The following KIF13A variants were observed in gnomAD, a reference collection of about 807,000 sequenced individuals.
KIF13A encodes kinesin-like protein KIF13A.
In KIF13A, 79 loss-of-function variants were observed where a neutral mutation model predicts 212.2. The observed-to-expected ratio is 0.37, with a 90% CI of 0.31 to 0.45. The LOEUF is 0.45. Ranked by LOEUF, KIF13A falls within the 20% of genes least tolerant of loss-of-function variation. The pLI is 1.00. For missense variants in KIF13A, 1,901 were observed against 2,209.0 expected, an observed-to-expected ratio of 0.86 and a Z score of 2.79; for synonymous variants, 789 against 808.6, an observed-to-expected ratio of 0.98 and a Z score of 0.41.
In KIF13A at chr6:17,787,937, T is replaced by A. The variant is rs923478707; in HGVS notation, c.3262-62A>T. The A allele has an allele frequency of 3.2e-6, 3 of 943,436 alleles. No individual in the cohort carries two copies. The highest frequency in any genetic ancestry group is 4.2e-5 in the Admixed American group (2 of 47,230). The allele number at this position is 943,436 out of a possible 1,614,324, so 58.4% of individuals were successfully genotyped here. ...GCACAGACAACGATTTCTTTCTTTC[T>A]TTTTTTAAAAGATGTTTAAATCAAC... On this transcript the variant is annotated intron_variant, in intron 26 of 38. Coordinates refer to ENST00000259711, the MANE Select transcript of KIF13A (RefSeq NM_022113.6). The surrounding 1 kb of genome is among the most constrained non-coding windows in gnomAD (Gnocchi z 4.6).
Position 17,780,975 on chromosome 6 carries a change from T to C in KIF13A, c.3670-69A>G. On this transcript the variant is annotated intron_variant, in intron 30 of 38. Coordinates refer to ENST00000259711, the MANE Select transcript of KIF13A (RefSeq NM_022113.6). ...TCAGATGTAGCAGTTTTACAGGACA[T>C]ACAAGAGAAAGAAAATAAATTCAAC... 6 of 1,453,274 alleles carry C rather than the reference T, an allele frequency of 4.1e-6. No individual in the cohort carries two copies. In the South Asian group the frequency reaches 6.2e-5, roughly 15 times the overall value. 90.0% of individuals were successfully genotyped at this position (1,453,274 alleles called of 1,614,324 possible). A position where few individuals can be genotyped will look rare whatever the true frequency, so the allele number is the denominator to read the frequency against.
At chr6:17,958,152 T>C (rs766687022) in intron 2 of KIF13A, among the ~76,000 whole-genome samples, 1 of 152,204 alleles carries the variant, frequency 6.6e-6, no homozygotes, top group Non-Finnish European at 1.5e-5. Flanking sequence ...CTCACAATTA[T>C]ACCTCAGGCA....
At position 17,898,186 on chromosome 6, in the gene KIF13A, T is replaced by C. The variant is rs201729525; in HGVS notation, c.147-6A>G. ...TGCTTACCTTGGGAGGTTTCCTTAATGATGGGAAAAAAAAAATTCAGCAGC... is the reference window on the plus strand; with the variant it reads ...TGCTTACCTTGGGAGGTTTCCTTAACGATGGGAAAAAAAAAATTCAGCAGC... On this transcript the variant is annotated splice_region_variant and splice_polypyrimidine_tract_variant and intron_variant, in intron 2 of 38. Transcript: ENST00000259711. This position sits in a 1 kb window ranked among gnomAD's most constrained non-coding sequence, Gnocchi z 5.2. 240 of 1,611,692 alleles carry C rather than the reference T, an allele frequency of 1.5e-4. No homozygotes were observed. In the African/African-American group the frequency reaches 2.7e-3, roughly 18 times the overall value.
intron 4 of KIF13A, among the ~76,000 whole-genome samples, chr6:17,862,741 G>T (rs1768928933): frequency 4.6e-5 from 7 of 152,178 alleles, no homozygotes; most frequent in Admixed American, 4.6e-4. Flanking sequence ...GAGGTCAGGA[G>T]ATTGAGACCA....
intron 16 of KIF13A, among the ~76,000 whole-genome samples, chr6:17,823,186 G>A (rs1409653131): frequency 6.6e-6 from 1 of 151,810 alleles, no homozygotes; most frequent in Non-Finnish European, 1.5e-5. Flanking sequence ...ACAGGCACCT[G>A]CCACCATGCC....
chr6:17,845,082 C>T (rs145100269), intron 9 of KIF13A, among the ~76,000 whole-genome samples: 2,659 of 152,184 alleles, frequency 0.017, 82 homozygotes, highest in African/African-American at 0.06. Context: ...ACAATCATGA[C>T]AGAAGGCAAA....
chr6:17,764,202 C>G lies in KIF13A; in HGVS notation c.5326G>C (p.Gly1776Arg). 1 of 1,614,008 alleles carries G rather than the reference C, an allele frequency of 6.2e-7. No individual in the cohort carries two copies. The highest frequency in any genetic ancestry group is 8.5e-7 in the Non-Finnish European group (1 of 1,179,898). The change falls in exon 39 of 39, where the codon GGG becomes CGG. Residue 1776 changes from glycine (G) to arginine (R), a missense_variant. Transcript: ENST00000259711. The surrounding 1 kb of genome is among the most constrained non-coding windows in gnomAD (Gnocchi z 5.1). ...TGCAGCTGGCTGGGGTGGTGGAGCC[C>G]ATCGGAGACAGTCTTGCCGCCTGTT... Reference protein sequence around the residue: ...NKTGGKTVSDGLHHPSQLHSK... With the variant: ...NKTGGKTVSDRLHHPSQLHSK...
chr6:17,860,035 G>A (rs1244855277), intron 4 of KIF13A, among the ~76,000 whole-genome samples: 1 of 152,090 alleles, frequency 6.6e-6, no homozygotes, highest in African/African-American at 2.4e-5. Flanking sequence ...GTGAATGGCA[G>A]GGTTTGGGTC....
At chr6:17,770,361 A>ATTTTTTTTTGTTTTTTTTTTTTT (rs1759381977) in intron 38 of KIF13A, 1 of 119,446 alleles carries the variant, frequency 8.4e-6, no homozygotes, top group African/African-American at 2.9e-5. Context: ...AATAAACAGG[A>ATTTTTTTTTGTTTTTTTTTTTTT]TTTTTTTTTT....
At chr6:17,803,701 G>C (rs1431298668) in intron 20 of KIF13A, among the ~76,000 whole-genome samples, 1 of 152,134 alleles carries the variant, frequency 6.6e-6, no homozygotes. Context: ...GGGCCAGGAA[G>C]GAACTAGAGT....
chr6:17,977,015 T>C (rs936273162), intron 2 of KIF13A, among the ~76,000 whole-genome samples: 1 of 146,912 alleles, frequency 6.8e-6, no homozygotes, highest in African/African-American at 2.5e-5. Context: ...GGCAGGAGAA[T>C]GGCGTGAACC....
At chr6:17,858,050 C>T (rs1246854671) in intron 4 of KIF13A, among the ~76,000 whole-genome samples, 1 of 150,896 alleles carries the variant, frequency 6.6e-6, no homozygotes, top group African/African-American at 2.4e-5. Context: ...CAGAACTGTG[C>T]ATATAATGTA....
At chr6:17,817,529 G>C (rs1764055765) in intron 16 of KIF13A, among the ~76,000 whole-genome samples, 1 of 152,182 alleles carries the variant, frequency 6.6e-6, no homozygotes, top group Non-Finnish European at 1.5e-5. Context: ...CCAGCAGATG[G>C]GGGAAGAGAG....
chr6:17,905,139 T>A (rs570180245), intron 2 of KIF13A, among the ~76,000 whole-genome samples: 3,930 of 152,268 alleles, frequency 0.026, 64 homozygotes, highest in Non-Finnish European at 0.032. Flanking sequence ...TTAAAAAAAA[T>A]TTTTTTAAGC....
At chr6:17,955,925 C>G (rs757675476) in intron 2 of KIF13A, among the ~76,000 whole-genome samples, 7 of 152,200 alleles carry the variant, frequency 4.6e-5, no homozygotes, top group Admixed American at 4.6e-4. Flanking sequence ...GATGATGACA[C>G]TAATAGTGAC....
At chr6:17,935,097 C>G (rs4712320) in intron 2 of KIF13A, among the ~76,000 whole-genome samples, 76,299 of 152,032 alleles carry the variant, frequency 0.5, 20,702 homozygotes, top group Non-Finnish European at 0.61. Flanking sequence ...TTATTTTCAC[C>G]ATTTACCTGG....
At position 17,859,071 on chromosome 6, in the gene KIF13A, C is replaced by T. The variant is rs542207716; in HGVS notation, c.221-2949G>A. ...TGGTTTCTGCTCCTGATGCTGAATA[C>T]GCTGGAATTAGGAGGAATTATTTTC... On this transcript the variant is annotated intron_variant, in intron 4 of 38. Coordinates refer to ENST00000259711, the MANE Select transcript of KIF13A (RefSeq NM_022113.6). Among the ~76,000 whole-genome samples the T allele has an allele frequency of 6.6e-5, 10 of 152,186 alleles. No individual in the cohort carries two copies. The South Asian group carries it at 1.2e-3, about 19-fold the overall frequency.
Position 17,809,779 on chromosome 6 carries a change from C to T in KIF13A, c.2001-849G>A, listed in dbSNP as rs923803633. ...AATTGCTCTGTGTCATATATAACTT[C>T]TCTTTTCCACCATTTATACGCCGCA... On this transcript the variant is annotated intron_variant, in intron 17 of 38. Coordinates refer to ENST00000259711, the MANE Select transcript of KIF13A (RefSeq NM_022113.6). The surrounding 1 kb of genome is among the most constrained non-coding windows in gnomAD (Gnocchi z 4.7). 2.6e-5 allele frequency among the ~76,000 whole-genome samples: 4 copies of T among 152,224 alleles called. No individual in the cohort carries two copies. The highest frequency in any genetic ancestry group is 9.6e-5 in the African/African-American group (4 of 41,460).
chr6:17,865,434 G>A (rs1307788850), intron 4 of KIF13A, among the ~76,000 whole-genome samples: 1 of 152,118 alleles, frequency 6.6e-6, no homozygotes, highest in Non-Finnish European at 1.5e-5. Flanking sequence ...CAGGCACAGC[G>A]ATTTTGATGA....
Sources: allele counts gnomAD v4.1 joint callset (sites outside exome capture counted in the v4.1 genomes callset), GRCh38; gene constraint gnomAD v4.1.1; non-coding constraint Gnocchi (gnomAD v3.1); transcripts MANE v1.5; gene names NCBI Gene and HGNC (gene_info 2026-07-23, HGNC 2026-07-21).